GALNT14: variants seen among roughly 807,000 people sequenced by gnomAD.
The protein encoded by GALNT14 is polypeptide N-acetylgalactosaminyltransferase 14, also known as UDP-GalNAc:polypeptide N-acetylgalactosaminyltransferase 14.
A neutral mutation model predicts 77.5 loss-of-function variants in GALNT14; 60 were observed. That is an observed-to-expected ratio of 0.77 (90% confidence interval 0.63 to 0.96). The LOEUF (loss-of-function observed/expected upper bound fraction) is 0.96, where lower values mean the gene tolerates loss of function less well. Among genes scored for constraint, GALNT14 ranks in the 40% least tolerant of loss-of-function variants. The pLI, the probability that GALNT14 is intolerant of heterozygous loss-of-function variation, is 0.00. For synonymous variants in GALNT14, 280 were observed against 281.7 expected, an observed-to-expected ratio of 0.99 and a Z score of 0.06; for missense variants, 710 against 731.0, an observed-to-expected ratio of 0.97 and a Z score of 0.33.
At position 31,138,355 on chromosome 2, in the gene GALNT14, G is replaced by T. The variant is rs907156844; in HGVS notation, c.-269C>A. Reference sequence around the variant, plus strand: ...ACGCCCGCTCCAGCGGGAGAAGCGCGGTGGCTGCCGAGATGTTCCCCACGC... The same window carrying T: ...ACGCCCGCTCCAGCGGGAGAAGCGCTGTGGCTGCCGAGATGTTCCCCACGC... On this transcript the variant is annotated 5_prime_UTR_variant, in exon 1 of 15. Transcript: ENST00000349752. The T allele has an allele frequency of 1.5e-5, 7 of 453,340 alleles. No individual in the cohort carries two copies. Among genetic ancestry groups the T allele is most frequent in the Admixed American group, 4.3e-5 (1 of 23,512 alleles). 28.1% of individuals were successfully genotyped at this position (453,340 alleles called of 1,614,324 possible). A position where few individuals can be genotyped will look rare whatever the true frequency, so the allele number is the denominator to read the frequency against.
At chr2:30,995,763 G>T (rs559399214) in intron 1 of GALNT14, among the ~76,000 whole-genome samples, 2 of 152,308 alleles carry the variant, frequency 1.3e-5, no homozygotes, top group South Asian at 4.1e-4. Context: ...GCCTCCCAAA[G>T]TGCTGGGATT....
chr2:30,930,925 G>C (rs1665687552), intron 10 of GALNT14, among the ~76,000 whole-genome samples: 1 of 152,220 alleles, frequency 6.6e-6, no homozygotes, highest in South Asian at 2.1e-4. Flanking sequence ...CCAGGGCCCA[G>C]TCTCAAAGAC....
At chr2:31,021,791 G>A (rs1035886000) in intron 1 of GALNT14, among the ~76,000 whole-genome samples, 1 of 152,202 alleles carries the variant, frequency 6.6e-6, no homozygotes, top group Admixed American at 6.5e-5. Flanking sequence ...GTTGAGTCCT[G>A]GTGCAGCAGA....
chr2:30,972,401 C>T (rs976572443), intron 2 of GALNT14, among the ~76,000 whole-genome samples: 5 of 152,198 alleles, frequency 3.3e-5, no homozygotes, highest in Non-Finnish European at 5.9e-5. Context: ...TTGGAGCTCC[C>T]GGTTTACAGT....
intron 1 of GALNT14, among the ~76,000 whole-genome samples, chr2:31,088,107 T>C (rs1376882035): frequency 6.6e-6 from 1 of 152,186 alleles, no homozygotes; most frequent in African/African-American, 2.4e-5. Context: ...GTCTATGGTA[T>C]TCTGTTATAG....
chr2:30,914,903 A>C (rs961642024), intron 13 of GALNT14, among the ~76,000 whole-genome samples: 3 of 152,122 alleles, frequency 2.0e-5, no homozygotes, highest in African/African-American at 7.2e-5. Flanking sequence ...GAGGAGAGAG[A>C]AGGGCCAAAA....
chr2:30,905,912 T>A (rs1214589638), downstream of GALNT14, among the ~76,000 whole-genome samples: 1 of 152,036 alleles, frequency 6.6e-6, no homozygotes, highest in African/African-American at 2.4e-5. Flanking sequence ...ATATTCAACA[T>A]TCTTAAAGAA....
chr2:31,112,553 G>C (rs999107955), intron 1 of GALNT14, among the ~76,000 whole-genome samples: 2 of 152,272 alleles, frequency 1.3e-5, no homozygotes, highest in African/African-American at 4.8e-5. Context: ...TAGATGTCAC[G>C]ATCGTCAAAG....
At chr2:31,086,075 TG>T (rs1676414872) in intron 1 of GALNT14, among the ~76,000 whole-genome samples, 1 of 152,132 alleles carries the variant, frequency 6.6e-6, no homozygotes, top group African/African-American at 2.4e-5. Context: ...CTATGACATG[TG>T]GGGATTATGG....
At chr2:31,024,176 T>C (rs775883263) in intron 1 of GALNT14, among the ~76,000 whole-genome samples, 1 of 152,124 alleles carries the variant, frequency 6.6e-6, no homozygotes, top group African/African-American at 2.4e-5. Flanking sequence ...ATATACTCCA[T>C]GCCATCTCCC....
chr2:31,112,259 A>G (rs998681938), intron 1 of GALNT14, among the ~76,000 whole-genome samples: 2 of 152,206 alleles, frequency 1.3e-5, no homozygotes, highest in Admixed American at 1.3e-4. Context: ...CGTGTGAACC[A>G]GTCCTGGACA....
In GALNT14 at chr2:30,951,027, T is replaced by C. The variant is rs565615674; in HGVS notation, c.654+4591A>G. ...CCTGGGGGTCCCTGCAGGTTAAGCATCAATTTACCATATGAGCCAGCAGCA... is the reference window on the plus strand; with the variant it reads ...CCTGGGGGTCCCTGCAGGTTAAGCACCAATTTACCATATGAGCCAGCAGCA... On this transcript the variant is annotated intron_variant, in intron 6 of 14. Transcript: ENST00000349752. Among the ~76,000 whole-genome samples, 5 of 152,260 alleles carry C rather than the reference T, an allele frequency of 3.3e-5. No individual in the cohort carries two copies. In the South Asian group the frequency reaches 1.0e-3, roughly 32 times the overall value.
the GALNT14 span, among the ~76,000 whole-genome samples, chr2:30,903,236 C>T: frequency 6.6e-6 from 1 of 152,226 alleles, no homozygotes; most frequent in Non-Finnish European, 1.5e-5. Context: ...CACTGAAGGG[C>T]TTTCTGGATG....
intron 1 of GALNT14, among the ~76,000 whole-genome samples, chr2:31,043,615 C>T (rs1199160024): frequency 1.3e-5 from 2 of 152,036 alleles, no homozygotes; most frequent in Non-Finnish European, 2.9e-5. Flanking sequence ...GATATTAAAA[C>T]TCTCTAGGAT....
intron 1 of GALNT14, among the ~76,000 whole-genome samples, chr2:31,014,271 C>T (rs1014118480): frequency 6.6e-6 from 1 of 152,128 alleles, no homozygotes; most frequent in Non-Finnish European, 1.5e-5. Context: ...CCCCTTCCTC[C>T]CCAAAAAAGG....
intron 2 of GALNT14, among the ~76,000 whole-genome samples, chr2:30,974,699 C>T (rs532017507): frequency 6.6e-6 from 1 of 152,348 alleles, no homozygotes; most frequent in East Asian, 1.9e-4. Flanking sequence ...GCTTTTCCAA[C>T]GTGCCTCTTT....
the GALNT14 span, among the ~76,000 whole-genome samples, chr2:30,900,376 T>G: frequency 3.8e-4 from 58 of 152,350 alleles, no homozygotes; most frequent in African/African-American, 1.4e-3. Context: ...TCTATGTGTA[T>G]TACAACAAGA....
chr2:30,961,881 C>A (rs373332042), intron 3 of GALNT14, among the ~76,000 whole-genome samples: 2 of 151,950 alleles, frequency 1.3e-5, no homozygotes, highest in East Asian at 3.9e-4. Context: ...TTAGTAGAGA[C>A]GGGGTTTCAC....
At chr2:30,995,131 TGTG>T (rs1335552155) in intron 1 of GALNT14, among the ~76,000 whole-genome samples, 1 of 1,994 alleles carries the variant, frequency 5.0e-4, no homozygotes. Context: ...GAACCAATGT[TGTG>T]TGTGTGTGTG....
Sources: allele counts gnomAD v4.1 joint callset (sites outside exome capture counted in the v4.1 genomes callset), GRCh38; gene constraint gnomAD v4.1.1; transcripts MANE v1.5; gene names NCBI Gene and HGNC (gene_info 2026-07-23, HGNC 2026-07-21).